Variants in NDUFA8 observed in about 807,000 individuals in gnomAD.
The protein encoded by NDUFA8 is NADH dehydrogenase [ubiquinone] 1 alpha subcomplex subunit 8.
Under a neutral mutation model 20.9 loss-of-function variants are expected in NDUFA8, and 16 were observed. The observed-to-expected ratio is 0.77, with a 90% CI of 0.52 to 1.16. The LOEUF is 1.16. Ranked by LOEUF, NDUFA8 falls within the 50% of genes most tolerant of loss-of-function variation. NDUFA8 has a pLI of 0.00. For missense variants in NDUFA8, 202 were observed against 216.4 expected, an observed-to-expected ratio of 0.93 and a Z score of 0.42; for synonymous variants, 70 against 76.1, an observed-to-expected ratio of 0.92 and a Z score of 0.41.
chr9:122,137,580 G>C, the NDUFA8 span, among the ~76,000 whole-genome samples: 1 of 152,148 alleles, frequency 6.6e-6, no homozygotes, highest in Non-Finnish European at 1.5e-5. Context: ...CAAAATCTTA[G>C]AATCTCTTCC....
chr9:122,154,459 T>G (rs1829048525), intron 1 of NDUFA8, among the ~76,000 whole-genome samples: 1 of 152,248 alleles, frequency 6.6e-6, no homozygotes, highest in South Asian at 2.1e-4. Context: ...ATTTTAGCAC[T>G]TTTGATACTA....
chr9:122,143,985 CAAG>C, downstream of NDUFA8: 2 of 1,129,622 alleles, frequency 1.8e-6, no homozygotes, highest in Non-Finnish European at 2.3e-6. Context: ...GGCAGGACCA[CAAG>C]AAGAAAAAAG....
intron 1 of NDUFA8, among the ~76,000 whole-genome samples, chr9:122,152,853 A>C (rs1042272072): frequency 6.6e-6 from 1 of 152,118 alleles, no homozygotes; most frequent in South Asian, 2.1e-4. Context: ...CCCCTAATAG[A>C]ATCTTTATTT....
chr9:122,139,319 C>T (rs953024397), downstream of NDUFA8, among the ~76,000 whole-genome samples: 1 of 150,038 alleles, frequency 6.7e-6, no homozygotes, highest in Non-Finnish European at 1.5e-5. Flanking sequence ...TCTGAGAGTC[C>T]TTCTGTGGCC....
chr9:122,150,054 C>T (rs948455387), intron 2 of NDUFA8, among the ~76,000 whole-genome samples: 1 of 152,122 alleles, frequency 6.6e-6, no homozygotes, highest in Non-Finnish European at 1.5e-5. Context: ...AATATTTGCA[C>T]CTCCCAAATA....
At chr9:122,139,641 G>A (rs1260838416), downstream of NDUFA8, among the ~76,000 whole-genome samples, 3 of 152,186 alleles carry the variant, frequency 2.0e-5, no homozygotes, top group Non-Finnish European at 2.9e-5. Flanking sequence ...GAATGAGCAA[G>A]AGTGATAGTA....
chr9:122,155,264 A>G (rs1183488944), intron 1 of NDUFA8, among the ~76,000 whole-genome samples: 1 of 152,310 alleles, frequency 6.6e-6, no homozygotes, highest in East Asian at 1.9e-4. Context: ...TTTTTGGTAG[A>G]GACGGGGTTC....
chr9:122,159,532 G>A (rs1829145953), intron 1 of NDUFA8, 95 bp downstream of exon 1: 2 of 1,487,688 alleles, frequency 1.3e-6, no homozygotes, highest in East Asian at 2.3e-5. Context: ...AGGGGGGCCC[G>A]GGTCCCAGGA....
chr9:122,142,904 G>A (rs970930693), downstream of NDUFA8, among the ~76,000 whole-genome samples: 1 of 152,216 alleles, frequency 6.6e-6, no homozygotes, highest in East Asian at 1.9e-4. Context: ...AGTGGGTTTT[G>A]CCTCAGCTAT....
chr9:122,142,240 A>G (rs1200105984), downstream of NDUFA8, among the ~76,000 whole-genome samples: 1 of 152,192 alleles, frequency 6.6e-6, no homozygotes, highest in East Asian at 1.9e-4. Flanking sequence ...ATTTATTTTG[A>G]GAGTAGGGGC....
chr9:122,134,488 T>C, the NDUFA8 span, among the ~76,000 whole-genome samples: 1 of 152,218 alleles, frequency 6.6e-6, no homozygotes, highest in Non-Finnish European at 1.5e-5. Flanking sequence ...CTTGGTGCAG[T>C]GCTCGGCAAA....
the NDUFA8 span, among the ~76,000 whole-genome samples, chr9:122,136,867 A>C: frequency 6.6e-6 from 1 of 152,066 alleles, no homozygotes; most frequent in Non-Finnish European, 1.5e-5. Flanking sequence ...CTTTGCAGCT[A>C]TTTGTATTTG....
the NDUFA8 span, among the ~76,000 whole-genome samples, chr9:122,134,841 G>A: frequency 1.3e-5 from 2 of 152,146 alleles, no homozygotes; most frequent in Admixed American, 6.5e-5. Flanking sequence ...CTCTGACACC[G>A]GACCATTCCT....
At chr9:122,141,643 T>C (rs929716754), downstream of NDUFA8, among the ~76,000 whole-genome samples, 2 of 152,138 alleles carry the variant, frequency 1.3e-5, no homozygotes, top group Non-Finnish European at 2.9e-5. Context: ...TTCATCTCAT[T>C]ATTCTCAAGC....
the NDUFA8 span, among the ~76,000 whole-genome samples, chr9:122,134,894 A>G: frequency 3.9e-5 from 6 of 152,230 alleles, no homozygotes; most frequent in African/African-American, 1.4e-4. Flanking sequence ...ACCCGGCACG[A>G]GAGGGCGACT....
chr9:122,144,157 C>G lies in NDUFA8; in HGVS notation c.*84G>C. 1.2e-6 allele frequency: 2 copies of G among 1,609,288 alleles called. No homozygotes were observed. The highest frequency in any genetic ancestry group is 3.4e-5 in the Admixed American group (2 of 59,634). ...AATGTTTGTGATCCCGGAAAGAACA[C>G]ACTATCAGTCGATGCAAACCGCATG... On this transcript the variant is annotated 3_prime_UTR_variant, in exon 4 of 4. Coordinates refer to ENST00000373768, the MANE Select transcript of NDUFA8 (RefSeq NM_014222.3).
Position 122,159,709 on chromosome 9 carries a change from C to T in NDUFA8, c.-32G>A. The T allele has an allele frequency of 3.7e-6, 6 of 1,614,006 alleles. No homozygotes were observed. The highest frequency in any genetic ancestry group is 1.1e-5 in the South Asian group (1 of 91,084). On this transcript the variant is annotated 5_prime_UTR_variant, in exon 1 of 4. Transcript: ENST00000373768. ...TGCAGCCCCGACCCCGACGAGAAGC[C>T]CTCAGCCGCGTCGCCCCCGTCTCCT... is the stretch of plus-strand genomic sequence containing the variant.
In NDUFA8 at chr9:122,144,231, G is replaced by T. The variant is rs747629176; in HGVS notation, c.*10C>A. 1 of 1,613,442 alleles carries T rather than the reference G, an allele frequency of 6.2e-7. No individual in the cohort carries two copies. The highest frequency in any genetic ancestry group is 1.7e-5 in the Admixed American group (1 of 60,030). On this transcript the variant is annotated 3_prime_UTR_variant, in exon 4 of 4. Transcript: ENST00000373768. ...GAGCACATGACCGAGTGTGGGCCAC[G>T]GACCCATCTTTACTTGGTCCAGAAA...
chr9:122,159,533 G>C, intron 1 of NDUFA8, 94 bp downstream of exon 1: 1 of 1,495,636 alleles, frequency 6.7e-7, no homozygotes, highest in Non-Finnish European at 9.3e-7. Flanking sequence ...GGGGGGCCCG[G>C]GTCCCAGGAT....
Sources: gnomAD v4.1 joint callset for allele counts (sites outside exome capture counted in the v4.1 genomes callset) on GRCh38, gnomAD v4.1.1 for gene constraint, MANE v1.5 for transcripts, NCBI Gene and HGNC (gene_info 2026-07-23, HGNC 2026-07-21) for gene names.